Variants in PCDH9 observed in about 807,000 individuals in gnomAD.
The protein encoded by PCDH9 is protocadherin-9.
A neutral mutation model predicts 70.6 loss-of-function variants in PCDH9; 24 were observed. The observed-to-expected ratio is 0.34, with a 90% CI of 0.25 to 0.48. PCDH9 has a LOEUF of 0.48. Among genes scored for constraint, PCDH9 ranks in the 20% least tolerant of loss-of-function variants. The pLI is 0.99. For missense variants in PCDH9, 1,281 were observed against 1,503.6 expected, an observed-to-expected ratio of 0.85 and a Z score of 2.45; for synonymous variants, 562 against 558.5, an observed-to-expected ratio of 1.01 and a Z score of -0.09.
rs188695694 is a variant in PCDH9, at chr13:66,430,333, T to C, written c.3341-125305A>G. 2.3e-4 allele frequency among the ~76,000 whole-genome samples: 35 copies of C among 152,118 alleles called. No individual in the cohort carries two copies. In the East Asian group the frequency reaches 6.0e-3, roughly 26 times the overall value. Reference sequence around the variant, plus strand: ...ATCAAGGGCACATTTTCCACATCAATAAATACAATAAATTTTGCTTGGTAT... The same window carrying C: ...ATCAAGGGCACATTTTCCACATCAACAAATACAATAAATTTTGCTTGGTAT... On this transcript the variant is annotated intron_variant, in intron 4 of 4. Coordinates refer to ENST00000377865, the MANE Select transcript of PCDH9 (RefSeq NM_203487.3).
intron 4 of PCDH9, among the ~76,000 whole-genome samples, chr13:66,309,238 G>A (rs565467127): frequency 2.0e-3 from 303 of 152,044 alleles, no homozygotes; most frequent in Middle Eastern, 3.4e-3. Flanking sequence ...GTTTTATCAT[G>A]GGAAAATAAC....
intron 3 of PCDH9, among the ~76,000 whole-genome samples, chr13:66,677,494 T>G (rs2078259314): frequency 6.6e-6 from 1 of 152,030 alleles, no homozygotes; most frequent in African/African-American, 2.4e-5. Context: ...AGGCTCGAGG[T>G]AGAGCCCATT....
At chr13:66,438,850 G>A (rs1430396464) in intron 4 of PCDH9, among the ~76,000 whole-genome samples, 1 of 152,186 alleles carries the variant, frequency 6.6e-6, no homozygotes, top group Non-Finnish European at 1.5e-5. Context: ...GGTTGTTATA[G>A]CAGCAAGCCT....
chr13:67,117,842 G>A (rs2086807256), intron 2 of PCDH9, among the ~76,000 whole-genome samples: 1 of 152,072 alleles, frequency 6.6e-6, no homozygotes, highest in Admixed American at 6.6e-5. Flanking sequence ...CTGATTTGAG[G>A]ATTTGAAGAT....
At chr13:66,707,272 T>C (rs2078724212) in intron 3 of PCDH9, among the ~76,000 whole-genome samples, 1 of 152,206 alleles carries the variant, frequency 6.6e-6, no homozygotes, top group African/African-American at 2.4e-5. Flanking sequence ...TTTTGAACAC[T>C]ACAGAACAAT....
chr13:67,141,705 C>T (rs2087394565), intron 2 of PCDH9, among the ~76,000 whole-genome samples: 1 of 151,184 alleles, frequency 6.6e-6, no homozygotes, highest in Non-Finnish European at 1.5e-5. Flanking sequence ...TCCCAAAGTG[C>T]TGGGATTACA....
intron 4 of PCDH9, among the ~76,000 whole-genome samples, chr13:66,326,480 G>A (rs918964082): frequency 3.3e-5 from 5 of 150,866 alleles, no homozygotes; most frequent in East Asian, 3.9e-4. Context: ...GTGCAGTGGC[G>A]CGATCTCGGC....
chr13:67,148,096 T>C (rs2087567080), intron 2 of PCDH9, among the ~76,000 whole-genome samples: 1 of 152,174 alleles, frequency 6.6e-6, no homozygotes, highest in African/African-American at 2.4e-5. Context: ...AGCATTTAAA[T>C]GCAGGTCTAT....
At chr13:66,905,462 T>C (rs2082345373) in intron 2 of PCDH9, among the ~76,000 whole-genome samples, 1 of 152,114 alleles carries the variant, frequency 6.6e-6, no homozygotes, top group Non-Finnish European at 1.5e-5. Context: ...TCAGTTAAAT[T>C]GAAGCTCAGA....
intron 2 of PCDH9, among the ~76,000 whole-genome samples, chr13:67,180,022 C>T (rs543243129): frequency 8.5e-5 from 13 of 152,096 alleles, no homozygotes; most frequent in Admixed American, 5.9e-4. Context: ...AATTCTTCAT[C>T]TAGATTAGAA....
At chr13:66,706,608 A>G (rs775253782) in intron 3 of PCDH9, among the ~76,000 whole-genome samples, 2 of 152,230 alleles carry the variant, frequency 1.3e-5, no homozygotes, top group Non-Finnish European at 2.9e-5. Context: ...GTCACAACCT[A>G]AAACAAATGC....
intron 3 of PCDH9, chr13:66,782,806 G>C (rs1484591389): frequency 6.6e-6 from 1 of 152,040 alleles, no homozygotes; most frequent in Non-Finnish European, 1.5e-5. Context: ...CCCTGTAAGA[G>C]GTAATTATAC....
intron 2 of PCDH9, among the ~76,000 whole-genome samples, chr13:67,133,360 C>T (rs771342459): frequency 6.6e-6 from 1 of 151,840 alleles, no homozygotes; most frequent in Non-Finnish European, 1.5e-5. Context: ...TAACTGAGGC[C>T]CCATAATAAA....
chr13:67,136,523 G>A (rs145657941), intron 2 of PCDH9, among the ~76,000 whole-genome samples: 4 of 152,196 alleles, frequency 2.6e-5, no homozygotes, highest in Non-Finnish European at 4.4e-5. Flanking sequence ...TAATGCTAAA[G>A]TAAGAAAATT....
At chr13:66,960,929 A>G (rs754744031) in intron 2 of PCDH9, among the ~76,000 whole-genome samples, 18 of 152,134 alleles carry the variant, frequency 1.2e-4, no homozygotes, top group Non-Finnish European at 2.1e-4. Context: ...AAAATAATCA[A>G]AACACTACAC....
chr13:67,022,478 T>G (rs1313064643), intron 2 of PCDH9, among the ~76,000 whole-genome samples: 1 of 152,172 alleles, frequency 6.6e-6, no homozygotes, highest in African/African-American at 2.4e-5. Context: ...GAAGATTATG[T>G]TATTACAGCA....
chr13:67,149,015 C>A (rs1594578099), intron 2 of PCDH9, among the ~76,000 whole-genome samples: 1 of 152,248 alleles, frequency 6.6e-6, no homozygotes. Context: ...GCAAAACTTA[C>A]AAAGGTTTTT....
At chr13:66,321,585 G>C (rs1022196493) in intron 4 of PCDH9, among the ~76,000 whole-genome samples, 1 of 151,816 alleles carries the variant, frequency 6.6e-6, no homozygotes. Context: ...CCCTAAGATG[G>C]TCTGTTAAAT....
At chr13:66,575,101 A>C (rs1187121797) in intron 4 of PCDH9, among the ~76,000 whole-genome samples, 1 of 149,162 alleles carries the variant, frequency 6.7e-6, no homozygotes, top group Non-Finnish European at 1.5e-5. Flanking sequence ...TGAACCTGGG[A>C]AGCAGAGGTT....
Sources: allele counts gnomAD v4.1 joint callset (sites outside exome capture counted in the v4.1 genomes callset), GRCh38; gene constraint gnomAD v4.1.1; transcripts MANE v1.5; gene names NCBI Gene and HGNC (gene_info 2026-07-23, HGNC 2026-07-21).